Variants in LMO7 observed in about 807,000 individuals in gnomAD.
The protein encoded by LMO7 is LIM domain 7.
Under a neutral mutation model 206.5 loss-of-function variants are expected in LMO7, and 120 were observed. The ratio of observed to expected loss-of-function variants is 0.58; its 90% CI spans 0.50 to 0.68. The LOEUF is 0.68. Ranked by LOEUF, LMO7 falls within the 30% of genes least tolerant of loss-of-function variation. LMO7 has a pLI of 0.00. For missense variants in LMO7, 1,959 were observed against 1,957.9 expected, an observed-to-expected ratio of 1.00 and a Z score of -0.01; for synonymous variants, 706 against 681.5, an observed-to-expected ratio of 1.04 and a Z score of -0.56.
intron 1 of LMO7, among the ~76,000 whole-genome samples, chr13:75,663,773 C>T (rs1798635501): frequency 6.6e-6 from 1 of 152,074 alleles, no homozygotes; most frequent in African/African-American, 2.4e-5. Context: ...AAAATGCTTC[C>T]TTTTAATCAA....
At chr13:75,668,342 G>GAGT (rs2139348374) in intron 1 of LMO7, among the ~76,000 whole-genome samples, 1 of 152,302 alleles carries the variant, frequency 6.6e-6, no homozygotes, top group African/African-American at 2.4e-5. Flanking sequence ...GGTATGCTTG[G>GAGT]AGTAAGCCTG....
chr13:75,779,564 A>G (rs17065030), intron 4 of LMO7, among the ~76,000 whole-genome samples: 9,151 of 152,256 alleles, frequency 0.06, 355 homozygotes, highest in East Asian at 0.16. Flanking sequence ...TTCTTTCTCA[A>G]TGATTTATAC....
chr13:75,841,563 GT>G, intron 23 of LMO7, 64 bp from the exon 24 acceptor site: 2 of 1,127,360 alleles, frequency 1.8e-6, no homozygotes, highest in Non-Finnish European at 2.6e-6. Flanking sequence ...GAATATATAT[GT>G]GTCTATATGA....
chr13:75,798,735 G>A (rs1422434908), intron 6 of LMO7, among the ~76,000 whole-genome samples: 13 of 152,166 alleles, frequency 8.5e-5, no homozygotes, highest in East Asian at 1.9e-4. Context: ...TTAAACAATC[G>A]TTGGTGGAAG....
intron 1 of LMO7, among the ~76,000 whole-genome samples, chr13:75,700,766 G>A (rs1454371565): frequency 6.6e-6 from 1 of 152,208 alleles, no homozygotes; most frequent in Non-Finnish European, 1.5e-5. Context: ...TGGACAAAGG[G>A]ACAGTTCACA....
chr13:75,824,010 G>C, intron 15 of LMO7, 137 bp downstream of exon 15: 1 of 694,426 alleles, frequency 1.4e-6, no homozygotes. Context: ...GGTTTACTTT[G>C]AACAGATCTT....
At chr13:75,668,360 G>A (rs2039259318) in intron 1 of LMO7, among the ~76,000 whole-genome samples, 1 of 152,174 alleles carries the variant, frequency 6.6e-6, no homozygotes, top group South Asian at 2.1e-4. Flanking sequence ...CTGCACCTGT[G>A]GTTCAGGGGC....
At chr13:75,655,146 C>T (rs1032214430) in intron 1 of LMO7, among the ~76,000 whole-genome samples, 1 of 152,210 alleles carries the variant, frequency 6.6e-6, no homozygotes, top group African/African-American at 2.4e-5. Context: ...GCTGGGATTA[C>T]AGGCGTGAGC....
At chr13:75,648,639 A>G (rs758116789) in intron 1 of LMO7, among the ~76,000 whole-genome samples, 3 of 152,248 alleles carry the variant, frequency 2.0e-5, no homozygotes. Flanking sequence ...CATGTAGTGT[A>G]AATTCACACG....
At chr13:75,774,937 A>G (rs1225388761) in intron 4 of LMO7, among the ~76,000 whole-genome samples, 3 of 152,134 alleles carry the variant, frequency 2.0e-5, no homozygotes, top group East Asian at 3.8e-4. Flanking sequence ...AATGTTGCAA[A>G]GAGATTATCT....
chr13:75,632,862 GT>G (rs10690832), upstream of LMO7, among the ~76,000 whole-genome samples: 27 of 102,134 alleles, frequency 2.6e-4, 2 homozygotes, highest in African/African-American at 3.2e-4. Context: ...TTACTTAAAA[GT>G]TTTTTTTTTT....
chr13:75,659,939 C>A (rs1469799500), intron 1 of LMO7, among the ~76,000 whole-genome samples: 1 of 144,996 alleles, frequency 6.9e-6, no homozygotes, highest in Non-Finnish European at 1.6e-5. Context: ...CTCTCTTATT[C>A]TGTCATGTGT....
At chr13:75,710,788 A>G (rs1320309648) in intron 1 of LMO7, among the ~76,000 whole-genome samples, 1 of 152,000 alleles carries the variant, frequency 6.6e-6, no homozygotes, top group Non-Finnish European at 1.5e-5. Context: ...AATGCCCTTT[A>G]TTTCCTTTTC....
At chr13:75,805,964 A>C in intron 9 of LMO7, 1 of 1,128,596 alleles carries the variant, frequency 8.9e-7, no homozygotes, top group Non-Finnish European at 1.2e-6. Flanking sequence ...TGTTCTATAC[A>C]TAGTCATAGC....
At chr13:75,719,795 A>C (rs554987748) in intron 2 of LMO7, among the ~76,000 whole-genome samples, 1 of 152,296 alleles carries the variant, frequency 6.6e-6, no homozygotes, top group South Asian at 2.1e-4. Context: ...AGAATGGACT[A>C]ATACAATCCA....
chr13:75,760,657 C>G, intron 3 of LMO7: 1 of 1,495,568 alleles, frequency 6.7e-7, no homozygotes, highest in Admixed American at 2.1e-5. Flanking sequence ...GGCACTTGTC[C>G]TGTAACAGGT....
chr13:75,704,329 G>A (rs1244998286), intron 1 of LMO7, among the ~76,000 whole-genome samples: 3 of 152,132 alleles, frequency 2.0e-5, no homozygotes, highest in Admixed American at 6.5e-5. Flanking sequence ...ATGTTTGTTG[G>A]GATATTTTTG....
chr13:75,637,111 C>G (rs2035988105), intron 1 of LMO7, among the ~76,000 whole-genome samples: 1 of 149,968 alleles, frequency 6.7e-6, no homozygotes, highest in African/African-American at 2.4e-5. Context: ...CGGGTGCATT[C>G]CCTCGGGGTG....
rs1555317313 is a variant in LMO7 at position 75,776,174 on chromosome 13, T to TATATATATATATATATCGG, written c.317+15152_317+15153insCGGATATATATATATATAT. On this transcript the variant is annotated intron_variant, in intron 4 of 30. Coordinates refer to ENST00000377534, the MANE Select transcript of LMO7 (RefSeq NM_001306080.2). Reference sequence around the variant, plus strand: ...TGTATATATATCGGATATATATATATATATATATATATATATATATATATA... The same window carrying TATATATATATATATATCGG: ...TGTATATATATCGGATATATATATATATATATATATATATATCGGATATATATATATATATATATATATA... Among the ~76,000 whole-genome samples, 149 of 59,894 alleles carry TATATATATATATATATCGG rather than the reference T, an allele frequency of 2.5e-3. 4 individuals carry two copies. Among genetic ancestry groups the TATATATATATATATATCGG allele is most frequent in the African/African-American group, 0.012 (141 of 11,660 alleles). The allele number at this position is 59,894 out of a possible 152,430, so 39.3% of individuals were successfully genotyped here.
Sources: gnomAD v4.1 joint callset for allele counts (sites outside exome capture counted in the v4.1 genomes callset) on GRCh38, gnomAD v4.1.1 for gene constraint, MANE v1.5 for transcripts, NCBI Gene and HGNC (gene_info 2026-07-23, HGNC 2026-07-21) for gene names.